MORC4: variants seen among roughly 807,000 people sequenced by gnomAD.
MORC4 encodes the protein MORC family CW-type zinc finger protein 4.
Under a neutral mutation model 65.5 loss-of-function variants are expected in MORC4, and 22 were observed. That is an observed-to-expected ratio of 0.34 (90% CI 0.24 to 0.48). The LOEUF (loss-of-function observed/expected upper bound fraction) is 0.48. Among genes scored for constraint, MORC4 ranks in the 20% least tolerant of loss-of-function variants. The probability of loss-of-function intolerance (pLI) is 0.99; values close to 1 mark genes in which losing one functional copy is unlikely to be tolerated. For synonymous variants in MORC4, 267 were observed against 255.8 expected (o/e 1.04, Z -0.42); for missense variants, 624 against 703.0 (o/e 0.89, Z 1.27).
At chrX:106,989,674 G>A (rs773540807) in intron 3 of MORC4, among the ~76,000 whole-genome samples, 2 of 107,901 alleles carry the variant, frequency 1.9e-5, no homozygotes, top group South Asian at 8.4e-4. Flanking sequence ...TTCAAGACCA[G>A]CTGACCAACA....
intron 8 of MORC4, among the ~76,000 whole-genome samples, chrX:106,977,604 T>G (rs1934652498): frequency 9.0e-6 from 1 of 111,619 alleles, no homozygotes; most frequent in African/African-American, 3.2e-5. Context: ...TTATTATTGT[T>G]GTTTCCACTT....
intron 11 of MORC4, among the ~76,000 whole-genome samples, chrX:106,958,009 A>G (rs764391366): frequency 3.0e-4 from 34 of 112,235 alleles, no homozygotes; most frequent in African/African-American, 1.0e-3. Flanking sequence ...CATCACACAA[A>G]ACACTTGCTG....
intron 2 of MORC4, among the ~76,000 whole-genome samples, chrX:106,994,525 C>T (rs1408155131): frequency 1.8e-5 from 2 of 112,165 alleles, no homozygotes; most frequent in Non-Finnish European, 3.8e-5. Context: ...CCCTTACAAT[C>T]CAGAGAAGTA....
chrX:106,963,279 G>A lies in MORC4; in HGVS notation c.1158-1169C>T, dbSNP rs769180033. ...TCTCCTTACATATACAACAACTGCAGTAGCAAAAGCTGCATGATGTAACTA... is the reference window on the plus strand; with the variant it reads ...TCTCCTTACATATACAACAACTGCAATAGCAAAAGCTGCATGATGTAACTA... On this transcript the variant is annotated intron_variant, in intron 9 of 16. Transcript: ENST00000355610. Among the ~76,000 whole-genome samples, 396 of 112,129 alleles carry A rather than the reference G, an allele frequency of 3.5e-3. 3 individuals are homozygous for A. The highest frequency in any genetic ancestry group is 0.012 in the African/African-American group (355 of 30,862).
At chrX:106,982,589 G>GA (rs1934773436) in intron 5 of MORC4, among the ~76,000 whole-genome samples, 1 of 110,908 alleles carries the variant, frequency 9.0e-6, no homozygotes, top group African/African-American at 3.3e-5. Flanking sequence ...CCCATCTAAG[G>GA]AAAAAAGGTC....
chrX:106,991,966 A>G (rs2147826997), intron 3 of MORC4, among the ~76,000 whole-genome samples: 1 of 111,629 alleles, frequency 9.0e-6, no homozygotes, highest in Admixed American at 9.5e-5. Flanking sequence ...ACAGAATTGA[A>G]CATATAAATG....
chrX:106,947,979 AT>A (rs1266053772), intron 14 of MORC4, among the ~76,000 whole-genome samples: 1 of 110,601 alleles, frequency 9.0e-6, no homozygotes, highest in Non-Finnish European at 1.9e-5. Context: ...ATCCAGTCAC[AT>A]TTTCTGTTAC....
chrX:106,975,349 T>C (rs1474603588), intron 9 of MORC4, among the ~76,000 whole-genome samples: 2 of 111,345 alleles, frequency 1.8e-5, no homozygotes, highest in Non-Finnish European at 3.8e-5. Flanking sequence ...AGATTTCCAT[T>C]ATGGGCCAGA....
At chrX:106,981,139 A>G (rs936134346) in intron 6 of MORC4, 120 bp from the exon 7 acceptor site, 18 of 941,339 alleles carry the variant, frequency 1.9e-5, no homozygotes, top group African/African-American at 1.7e-4. Context: ...CTCAGTTTCT[A>G]TACCTTATTA....
intron 14 of MORC4, among the ~76,000 whole-genome samples, chrX:106,949,894 G>C (rs1030393182): frequency 1.8e-5 from 2 of 112,289 alleles, no homozygotes; most frequent in Non-Finnish European, 3.8e-5. Flanking sequence ...CATTGAACAT[G>C]TACACAGTCT....
intron 2 of MORC4, among the ~76,000 whole-genome samples, chrX:106,995,386 T>A (rs1935059606): frequency 8.9e-6 from 1 of 111,974 alleles, no homozygotes; most frequent in Admixed American, 9.5e-5. Flanking sequence ...GACGACCTTT[T>A]TAACCTCATT....
intron 9 of MORC4, among the ~76,000 whole-genome samples, chrX:106,964,931 C>A (rs1437030974): frequency 9.2e-6 from 1 of 109,241 alleles, no homozygotes; most frequent in South Asian, 3.9e-4. Flanking sequence ...ATAGCTTGAA[C>A]CGGGAAGGGG....
chrX:106,975,813 T>G (rs1053439379), intron 9 of MORC4, among the ~76,000 whole-genome samples: 1 of 111,044 alleles, frequency 9.0e-6, no homozygotes, highest in East Asian at 2.8e-4. Flanking sequence ...AAGCCTTCCC[T>G]GACTCCCTTA....
At chrX:106,980,389 C>T (rs1383100579) in intron 7 of MORC4, among the ~76,000 whole-genome samples, 1 of 110,529 alleles carries the variant, frequency 9.0e-6, no homozygotes, top group Non-Finnish European at 1.9e-5. Context: ...TAATTTCCAC[C>T]CTCCTAATTT....
intron 9 of MORC4, among the ~76,000 whole-genome samples, chrX:106,969,772 A>G (rs879598085): frequency 1.2e-4 from 13 of 112,159 alleles, no homozygotes; most frequent in Non-Finnish European, 2.3e-4. Context: ...CTAAGTGTAA[A>G]GCAGGAAGAA....
At chrX:106,970,616 C>T (rs1934486983) in intron 9 of MORC4, among the ~76,000 whole-genome samples, 1 of 112,189 alleles carries the variant, frequency 8.9e-6, no homozygotes, top group Admixed American at 9.4e-5. Context: ...TAAGCAACTT[C>T]AGCAGTCTCA....
intron 10 of MORC4, among the ~76,000 whole-genome samples, chrX:106,961,063 T>C (rs1569299627): frequency 9.0e-6 from 1 of 111,597 alleles, no homozygotes. Flanking sequence ...AATTCTACCT[T>C]TTCTTTAACA....
At chrX:106,979,719 A>C (rs1934701582) in intron 7 of MORC4, among the ~76,000 whole-genome samples, 2 of 110,914 alleles carry the variant, frequency 1.8e-5, no homozygotes, top group African/African-American at 3.3e-5. Context: ...ATGCATGCAT[A>C]GAAGTTTCCC....
rs765238465 is a variant in MORC4 at position 106,993,451 on chromosome X, T to G, written c.176-89A>C. On this transcript the variant is annotated intron_variant, in intron 2 of 16. Coordinates refer to ENST00000355610, the MANE Select transcript of MORC4 (RefSeq NM_024657.5). ...TTCAGTGACGCCAAGACATAAGAAA[T>G]GTCCTTTATTTCCTTCATTTGGATG... 1.2e-5 allele frequency: 11 copies of G among 937,194 alleles called. No homozygotes were observed. In the South Asian group the frequency reaches 2.2e-4, roughly 19 times the overall value. 77.2% of individuals were successfully genotyped at this position (937,194 alleles called of 1,213,427 possible).
Sources: allele counts gnomAD v4.1 joint callset (sites outside exome capture counted in the v4.1 genomes callset), GRCh38; gene constraint gnomAD v4.1.1; transcripts MANE v1.5; gene names NCBI Gene and HGNC (gene_info 2026-07-23, HGNC 2026-07-21).